Variants in RALGAPA2 observed in about 807,000 individuals in gnomAD.
The protein encoded by RALGAPA2 is ral GTPase-activating protein subunit alpha-2.
RALGAPA2 carries 139 observed loss-of-function variants against 230.4 expected under a neutral mutation model. The observed-to-expected ratio is 0.60, with a 90% confidence interval of 0.53 to 0.69. The LOEUF (loss-of-function observed/expected upper bound fraction) is 0.69, where lower values mean the gene tolerates loss of function less well. Ranked by LOEUF, RALGAPA2 falls within the 30% of genes least tolerant of loss-of-function variation. RALGAPA2 has a pLI of 0.00. For missense variants in RALGAPA2, 2,163 were observed against 2,276.0 expected (o/e 0.95, Z 1.01); for synonymous variants, 847 against 837.8 (o/e 1.01, Z -0.19).
chr20:20,704,756 G>A (rs1409529825), intron 1 of RALGAPA2, among the ~76,000 whole-genome samples: 1 of 152,164 alleles, frequency 6.6e-6, no homozygotes, highest in Non-Finnish European at 1.5e-5. Flanking sequence ...ATAGGATGTG[G>A]CTCCTCTTCT....
intron 38 of RALGAPA2, among the ~76,000 whole-genome samples, chr20:20,400,473 A>T (rs1569361022): frequency 6.6e-6 from 1 of 152,022 alleles, no homozygotes; most frequent in Non-Finnish European, 1.5e-5. Context: ...GGTAAAAAAA[A>T]TTTTCCTGGC....
intron 27 of RALGAPA2, among the ~76,000 whole-genome samples, chr20:20,528,507 C>A (rs2063286082): frequency 6.6e-6 from 1 of 152,140 alleles, no homozygotes; most frequent in African/African-American, 2.4e-5. Context: ...GGACTCAAAG[C>A]CAGAAACAGT....
At chr20:20,501,269 AG>A (rs2062367994) in intron 35 of RALGAPA2, among the ~76,000 whole-genome samples, 1 of 152,242 alleles carries the variant, frequency 6.6e-6, no homozygotes, top group African/African-American at 2.4e-5. Context: ...TTCCAATAGA[AG>A]GCTGTTTTTA....
At chr20:20,461,976 G>A (rs2061313122) in intron 37 of RALGAPA2, among the ~76,000 whole-genome samples, 1 of 151,830 alleles carries the variant, frequency 6.6e-6, no homozygotes, top group East Asian at 1.9e-4. Context: ...GTTGGATTAA[G>A]GACCAAAGCT....
intron 9 of RALGAPA2, among the ~76,000 whole-genome samples, chr20:20,632,773 C>G (rs1342292525): frequency 2.0e-5 from 3 of 152,184 alleles, no homozygotes; most frequent in African/African-American, 4.8e-5. Flanking sequence ...TGTAGTCTGC[C>G]TTCTATGAGC....
At chr20:20,547,329 CGTT>C (rs1205839649) in intron 23 of RALGAPA2, among the ~76,000 whole-genome samples, 6 of 152,288 alleles carry the variant, frequency 3.9e-5, no homozygotes, top group African/African-American at 1.2e-4. Context: ...GCTAAGGTGA[CGTT>C]GTAATCAGTG....
At chr20:20,581,594 C>A (rs2064985931) in intron 20 of RALGAPA2, among the ~76,000 whole-genome samples, 1 of 152,130 alleles carries the variant, frequency 6.6e-6, no homozygotes, top group African/African-American at 2.4e-5. Context: ...AAGACTTGGC[C>A]TGCTTCCCAT....
At chr20:20,491,516 A>G (rs1437498835) in intron 36 of RALGAPA2, among the ~76,000 whole-genome samples, 1 of 152,198 alleles carries the variant, frequency 6.6e-6, no homozygotes, top group African/African-American at 2.4e-5. Context: ...AACACTTTGA[A>G]CACCAATATT....
In RALGAPA2 at chr20:20,635,081, G is replaced by T. The variant is rs79251771; in HGVS notation, c.1005+337C>A. On this transcript the variant is annotated intron_variant, in intron 9 of 39. Coordinates refer to ENST00000202677, the MANE Select transcript of RALGAPA2 (RefSeq NM_020343.4). The stretch of plus-strand genomic sequence containing the variant: ...TGCCTTCCAGCTACTGGGGCTTGGT[G>T]AAAGCAAGACAGGCCTCTGTTCTCA... 3.5e-3 allele frequency among the ~76,000 whole-genome samples: 534 copies of T among 152,318 alleles called. 2 individuals are homozygous for T. The highest frequency in any genetic ancestry group is 0.012 in the African/African-American group (511 of 41,580).
At chr20:20,639,708 A>AG in intron 7 of RALGAPA2, 77 bp downstream of exon 7, 1 of 993,742 alleles carries the variant, frequency 1.0e-6, no homozygotes, top group Non-Finnish European at 1.6e-6. Context: ...ATAGATACAC[A>AG]GAGGGAAAAG....
rs7272517 is a variant in RALGAPA2, at chr20:20,661,524, T to C, written c.271-7937A>G. Among the ~76,000 whole-genome samples, 764 of 152,322 alleles carry C rather than the reference T, an allele frequency of 5.0e-3. 5 individuals are homozygous for C. Among genetic ancestry groups the C allele is most frequent in the African/African-American group, 0.017 (725 of 41,566 alleles). ...GCAAATGATATTGTTAATTGAAAGATAGTTATTGGAATGAAAATAGAAAGT... is the reference window on the plus strand; with the variant it reads ...GCAAATGATATTGTTAATTGAAAGACAGTTATTGGAATGAAAATAGAAAGT... On this transcript the variant is annotated intron_variant, in intron 3 of 39. Transcript: ENST00000202677.
chr20:20,710,195 T>A (rs1347888519), intron 1 of RALGAPA2, among the ~76,000 whole-genome samples: 1 of 152,172 alleles, frequency 6.6e-6, no homozygotes, highest in African/African-American at 2.4e-5. Context: ...AGATAAAATA[T>A]ATGAAAAGCA....
At chr20:20,594,312 T>C (rs2065382810) in intron 16 of RALGAPA2, among the ~76,000 whole-genome samples, 1 of 152,196 alleles carries the variant, frequency 6.6e-6, no homozygotes, top group South Asian at 2.1e-4. Context: ...CCTTTTTAAA[T>C]AGTTCTTGGG....
chr20:20,426,578 G>C (rs958439163), intron 37 of RALGAPA2, among the ~76,000 whole-genome samples: 4 of 152,186 alleles, frequency 2.6e-5, no homozygotes, highest in African/African-American at 7.2e-5. Context: ...TAGGGGTGAG[G>C]AAGGGAAACA....
At position 20,581,909 on chromosome 20, in the gene RALGAPA2, C is replaced by T. The variant is rs562315097; in HGVS notation, c.2707+1141G>A. 4.6e-5 allele frequency among the ~76,000 whole-genome samples: 7 copies of T among 152,040 alleles called. No homozygotes were observed. The East Asian group carries it at 1.2e-3, about 25-fold the overall frequency. On this transcript the variant is annotated intron_variant, in intron 20 of 39. Coordinates refer to ENST00000202677, the MANE Select transcript of RALGAPA2 (RefSeq NM_020343.4). ...AATATTTTTTGGCATTTTAATAACA[C>T]TCTTAACATGTTACTTTGTGGTGGT...
intron 37 of RALGAPA2, among the ~76,000 whole-genome samples, chr20:20,449,044 A>C (rs1245345398): frequency 6.6e-6 from 1 of 152,186 alleles, no homozygotes; most frequent in Non-Finnish European, 1.5e-5. Context: ...ACAGGCAAAA[A>C]CACATTATGA....
At chr20:20,479,778 A>C (rs1164745076) in intron 36 of RALGAPA2, among the ~76,000 whole-genome samples, 1 of 152,240 alleles carries the variant, frequency 6.6e-6, no homozygotes, top group East Asian at 1.9e-4. Flanking sequence ...TTGCCAATAC[A>C]GTAATGCAAG....
chr20:20,455,807 A>G (rs2061102401), intron 37 of RALGAPA2, among the ~76,000 whole-genome samples: 1 of 152,222 alleles, frequency 6.6e-6, no homozygotes, highest in East Asian at 1.9e-4. Context: ...CAATGATACA[A>G]TTTATATGGT....
intron 35 of RALGAPA2, among the ~76,000 whole-genome samples, chr20:20,497,903 T>A (rs2062257492): frequency 6.6e-6 from 1 of 152,222 alleles, no homozygotes; most frequent in African/African-American, 2.4e-5. Context: ...CACAGTTTAA[T>A]TAGCTAAATC....
Sources: gnomAD v4.1 joint callset for allele counts (sites outside exome capture counted in the v4.1 genomes callset) on GRCh38, gnomAD v4.1.1 for gene constraint, MANE v1.5 for transcripts, NCBI Gene and HGNC (gene_info 2026-07-23, HGNC 2026-07-21) for gene names.